The following PTPRD variants were observed in gnomAD, a reference collection of about 807,000 sequenced individuals.
The protein encoded by PTPRD is receptor-type tyrosine-protein phosphatase delta.
PTPRD carries 34 observed loss-of-function variants against 214.5 expected under a neutral mutation model. The ratio of observed to expected loss-of-function variants is 0.16; its 90% CI spans 0.12 to 0.21. The LOEUF is 0.21. Among genes scored for constraint, PTPRD ranks in the 10% least tolerant of loss-of-function variants. PTPRD has a pLI of 1.00. For missense variants in PTPRD, 2,545 were observed against 2,398.7 expected (o/e 1.06, Z -1.27); for synonymous variants, 1,128 against 845.7 (o/e 1.33, Z -5.79).
At chr9:10,263,862 G>A (rs745393484) in intron 3 of PTPRD, among the ~76,000 whole-genome samples, 1 of 152,082 alleles carries the variant, frequency 6.6e-6, no homozygotes, top group Admixed American at 6.5e-5. Flanking sequence ...GAGGAAAAAT[G>A]GTTTCGTAGG....
At chr9:9,710,634 A>G (rs1313552232) in intron 7 of PTPRD, among the ~76,000 whole-genome samples, 2 of 152,020 alleles carry the variant, frequency 1.3e-5, no homozygotes, top group African/African-American at 4.8e-5. Flanking sequence ...GATTCATAAG[A>G]TAATTAGAAA....
intron 9 of PTPRD, among the ~76,000 whole-genome samples, chr9:9,375,763 A>G (rs2060613732): frequency 6.6e-6 from 1 of 152,184 alleles, no homozygotes; most frequent in South Asian, 2.1e-4. Flanking sequence ...TCATAGAGAC[A>G]TAAAGTAGGA....
intron 8 of PTPRD, among the ~76,000 whole-genome samples, chr9:9,435,321 G>A (rs190052763): frequency 2.6e-5 from 4 of 151,880 alleles, no homozygotes; most frequent in Non-Finnish European, 4.4e-5. Context: ...GACAAGCCCA[G>A]TCAACATAGT....
At chr9:10,590,611 T>C (rs537560403) in intron 2 of PTPRD, among the ~76,000 whole-genome samples, 2 of 152,162 alleles carry the variant, frequency 1.3e-5, no homozygotes, top group Admixed American at 6.6e-5. Flanking sequence ...AACACTATCT[T>C]AGATTCATTT....
chr9:9,993,509 G>C (rs908416717), intron 4 of PTPRD, among the ~76,000 whole-genome samples: 21 of 152,176 alleles, frequency 1.4e-4, no homozygotes, highest in Non-Finnish European at 2.6e-4. Context: ...TAACAATATG[G>C]ATAAATTCTC....
chr9:8,778,234 C>T (rs187062659), intron 11 of PTPRD, among the ~76,000 whole-genome samples: 2 of 152,206 alleles, frequency 1.3e-5, no homozygotes, highest in African/African-American at 2.4e-5. Context: ...CAAATTATAA[C>T]ATTTCACTAC....
chr9:9,034,926 G>A (rs753388421), intron 10 of PTPRD, among the ~76,000 whole-genome samples: 1 of 152,098 alleles, frequency 6.6e-6, no homozygotes, highest in African/African-American at 2.4e-5. Context: ...AGAACTTTCA[G>A]TGCCTGGTGC....
At chr9:8,842,184 G>C (rs1345430492) in intron 11 of PTPRD, among the ~76,000 whole-genome samples, 1 of 152,030 alleles carries the variant, frequency 6.6e-6, no homozygotes, top group African/African-American at 2.4e-5. Context: ...CTCCCTGTAG[G>C]AGGTGACAGA....
chr9:9,286,876 A>G (rs575315973), intron 9 of PTPRD, among the ~76,000 whole-genome samples: 1,875 of 6,158 alleles, frequency 0.3, 28 homozygotes, highest in Non-Finnish European at 0.33. Context: ...ACTACTGAAT[A>G]TATATATATA....
At position 8,912,579 on chromosome 9, in the gene PTPRD, C is replaced by G. The variant is rs574993194; in HGVS notation, c.-104+106118G>C. Among the ~76,000 whole-genome samples the G allele has an allele frequency of 5.3e-5, 8 of 151,934 alleles. No homozygotes were observed. The East Asian group carries it at 1.5e-3, about 29-fold the overall frequency. ...CAAAGCCTGATTGTGGTAATAGATA[C>G]AAAAAACATTGAATTGTACACTTAT... On this transcript the variant is annotated intron_variant, in intron 11 of 45. Transcript: ENST00000381196.
At chr9:10,445,334 G>T (rs1317745123) in intron 2 of PTPRD, among the ~76,000 whole-genome samples, 1 of 152,022 alleles carries the variant, frequency 6.6e-6, no homozygotes, top group African/African-American at 2.4e-5. Flanking sequence ...AAGAAATGTT[G>T]TTGGAGTTGC....
chr9:9,298,185 A>C (rs995875735), intron 9 of PTPRD, among the ~76,000 whole-genome samples: 3 of 151,692 alleles, frequency 2.0e-5, no homozygotes, highest in Non-Finnish European at 4.4e-5. Context: ...ATTTAGTATG[A>C]AACATGTTAT....
At chr9:9,289,359 T>C (rs1022086248) in intron 9 of PTPRD, among the ~76,000 whole-genome samples, 1 of 151,894 alleles carries the variant, frequency 6.6e-6, no homozygotes, top group Non-Finnish European at 1.5e-5. Flanking sequence ...TGAGATATGA[T>C]TGACAAATCA....
intron 11 of PTPRD, among the ~76,000 whole-genome samples, chr9:8,747,576 G>A (rs1271228826): frequency 6.6e-6 from 1 of 152,138 alleles, no homozygotes; most frequent in Non-Finnish European, 1.5e-5. Flanking sequence ...AATGCTTACA[G>A]AAGGACACTT....
intron 11 of PTPRD, among the ~76,000 whole-genome samples, chr9:8,938,884 C>G (rs2099014251): frequency 6.6e-6 from 1 of 152,136 alleles, no homozygotes; most frequent in Admixed American, 6.6e-5. Context: ...GCCCTCTTCC[C>G]TTCATTGCCA....
intron 3 of PTPRD, among the ~76,000 whole-genome samples, chr9:10,294,171 A>G (rs2095608636): frequency 6.6e-6 from 1 of 151,978 alleles, no homozygotes; most frequent in Admixed American, 6.6e-5. Flanking sequence ...ACACTGCCCA[A>G]AAACCTTTTT....
rs538916040 is a variant in PTPRD, at chr9:8,740,879, T to C, written c.-103-6933A>G. On this transcript the variant is annotated intron_variant, in intron 11 of 45. Transcript: ENST00000381196. ...GGGACTATAAGCACACAATGATTCTTTGAAGAAATCAACTGAATTTTAAGA... is the reference window on the plus strand; with the variant it reads ...GGGACTATAAGCACACAATGATTCTCTGAAGAAATCAACTGAATTTTAAGA... 4.6e-5 allele frequency among the ~76,000 whole-genome samples: 7 copies of C among 152,314 alleles called. No individual in the cohort carries two copies. In the South Asian group the frequency reaches 1.4e-3, roughly 32 times the overall value.
At chr9:9,018,817 T>A (rs1458776959) in intron 10 of PTPRD, 82 bp from the exon 11 acceptor site, 1 of 152,196 alleles carries the variant, frequency 6.6e-6, no homozygotes, top group Non-Finnish European at 1.5e-5. Context: ...GATGCATGTT[T>A]ATATTACTTA....
intron 9 of PTPRD, among the ~76,000 whole-genome samples, chr9:9,233,719 T>C (rs983100394): frequency 1.3e-5 from 2 of 152,204 alleles, no homozygotes; most frequent in Admixed American, 1.3e-4. Context: ...ATAGGCCCCA[T>C]GCAAGTCTGA....
Sources: allele counts gnomAD v4.1 joint callset (sites outside exome capture counted in the v4.1 genomes callset), GRCh38; gene constraint gnomAD v4.1.1; transcripts MANE v1.5; gene names NCBI Gene and HGNC (gene_info 2026-07-23, HGNC 2026-07-21).